The following FMNL2 variants were observed in gnomAD, a reference collection of about 807,000 sequenced individuals.
FMNL2 encodes formin like 2.
In FMNL2, 51 loss-of-function variants were observed where a neutral mutation model predicts 130.2. The observed-to-expected ratio is 0.39, with a 90% CI of 0.31 to 0.49. The LOEUF (loss-of-function observed/expected upper bound fraction) is 0.49. Among genes scored for constraint, FMNL2 ranks in the 20% least tolerant of loss-of-function variants. The pLI is 0.85. For synonymous variants in FMNL2, 465 were observed against 467.1 expected (o/e 1.00, Z 0.06); for missense variants, 977 against 1,316.2 (o/e 0.74, Z 3.99).
chr2:152,515,142 A>G (rs901019990), intron 1 of FMNL2, among the ~76,000 whole-genome samples: 1 of 152,282 alleles, frequency 6.6e-6, no homozygotes, highest in Non-Finnish European at 1.5e-5. Flanking sequence ...GCCATTCTTT[A>G]CCATCCTCCC....
chr2:152,350,699 C>CT (rs1682428585), intron 1 of FMNL2, among the ~76,000 whole-genome samples: 1 of 152,104 alleles, frequency 6.6e-6, no homozygotes, highest in Non-Finnish European at 1.5e-5. Context: ...CCCTCTTTTT[C>CT]TTTTTTATAT....
At chr2:152,611,407 CT>C (rs1254580492) in intron 10 of FMNL2, 87 bp from the exon 11 acceptor site, 1 of 649,736 alleles carries the variant, frequency 1.5e-6, no homozygotes, top group Non-Finnish European at 2.7e-6. Context: ...GTAAGTGAGC[CT>C]TTTTTATGAA....
At chr2:152,335,767 C>T (rs757566318) in intron 1 of FMNL2, 47 bp downstream of exon 1, 3 of 1,392,208 alleles carry the variant, frequency 2.2e-6, no homozygotes, top group East Asian at 5.9e-5. Flanking sequence ...GGCCCCGGGC[C>T]GGGCGGCGCA....
At chr2:152,518,167 C>T (rs1314505881) in intron 1 of FMNL2, among the ~76,000 whole-genome samples, 2 of 152,190 alleles carry the variant, frequency 1.3e-5, no homozygotes, top group South Asian at 2.1e-4. Flanking sequence ...AGTTTAAAGG[C>T]AGTTATTACC....
At chr2:152,399,570 G>A (rs1023547967) in intron 1 of FMNL2, among the ~76,000 whole-genome samples, 4 of 152,190 alleles carry the variant, frequency 2.6e-5, no homozygotes, top group African/African-American at 9.7e-5. Flanking sequence ...TTGATAGGCT[G>A]TTGACCAGTT....
chr2:152,478,774 T>G (rs1191531328), intron 1 of FMNL2, among the ~76,000 whole-genome samples: 1 of 152,098 alleles, frequency 6.6e-6, no homozygotes, highest in Non-Finnish European at 1.5e-5. Flanking sequence ...ATAAATTCAC[T>G]GAAAAAAGTA....
intron 15 of FMNL2, chr2:152,625,124 T>C: frequency 3.8e-6 from 1 of 265,332 alleles, no homozygotes; most frequent in South Asian, 1.2e-4. Context: ...TTTTTATTTG[T>C]CCCAACCATT....
At chr2:152,508,618 T>A (rs575887056) in intron 1 of FMNL2, among the ~76,000 whole-genome samples, 3 of 152,314 alleles carry the variant, frequency 2.0e-5, no homozygotes, top group African/African-American at 7.2e-5. Flanking sequence ...ATGCAAAGAT[T>A]GAATGGTCAA....
At chr2:152,551,516 C>A (rs186884586) in intron 4 of FMNL2, among the ~76,000 whole-genome samples, 1 of 152,322 alleles carries the variant, frequency 6.6e-6, no homozygotes, top group East Asian at 1.9e-4. Context: ...CAGATTGTGA[C>A]CATCTTGCCT....
chr2:152,412,458 A>T (rs1469133255), intron 1 of FMNL2, among the ~76,000 whole-genome samples: 3 of 7,524 alleles, frequency 4.0e-4, no homozygotes, highest in Non-Finnish European at 1.1e-3. Flanking sequence ...ATATATATAT[A>T]TATATATATA....
chr2:152,524,139 A>G (rs904973626), intron 2 of FMNL2, among the ~76,000 whole-genome samples: 2 of 152,238 alleles, frequency 1.3e-5, no homozygotes, highest in African/African-American at 4.8e-5. Flanking sequence ...TTTTAAATGT[A>G]ATAATTCAGT....
intron 1 of FMNL2, among the ~76,000 whole-genome samples, chr2:152,442,952 T>C (rs1188825702): frequency 6.6e-6 from 1 of 152,186 alleles, no homozygotes; most frequent in Non-Finnish European, 1.5e-5. Flanking sequence ...CTGAAGATCA[T>C]ACTCATTTAG....
intron 1 of FMNL2, among the ~76,000 whole-genome samples, chr2:152,514,690 G>A (rs1692664132): frequency 6.6e-6 from 1 of 152,008 alleles, no homozygotes; most frequent in Non-Finnish European, 1.5e-5. Context: ...TGAGAAATTA[G>A]CAATAAGTAA....
chr2:152,340,930 T>A (rs1187663623), intron 1 of FMNL2, among the ~76,000 whole-genome samples: 2 of 152,156 alleles, frequency 1.3e-5, no homozygotes, highest in Non-Finnish European at 2.9e-5. Flanking sequence ...GACCTCGTGA[T>A]CCACCTGCCT....
chr2:152,412,439 GTA>G (rs1686337742), intron 1 of FMNL2, among the ~76,000 whole-genome samples: 1 of 108,106 alleles, frequency 9.3e-6, no homozygotes, highest in Admixed American at 9.9e-5. Context: ...ACTTTCTTCT[GTA>G]TATTTTATAT....
At chr2:152,595,404 T>C (rs1049973220) in intron 9 of FMNL2, among the ~76,000 whole-genome samples, 2 of 152,200 alleles carry the variant, frequency 1.3e-5, no homozygotes, top group African/African-American at 4.8e-5. Context: ...CACTGCAACC[T>C]CCACCTCCCG....
At chr2:152,381,402 GA>G (rs1366074758) in intron 1 of FMNL2, among the ~76,000 whole-genome samples, 2 of 152,188 alleles carry the variant, frequency 1.3e-5, no homozygotes, top group Non-Finnish European at 2.9e-5. Flanking sequence ...TTCCAGAAGG[GA>G]AAGCCAGATC....
At chr2:152,395,260 T>G (rs370120787) in intron 1 of FMNL2, among the ~76,000 whole-genome samples, 25 of 152,180 alleles carry the variant, frequency 1.6e-4, no homozygotes, top group East Asian at 1.3e-3. Flanking sequence ...CTGTGGGACA[T>G]GAGGTGGCAA....
At chr2:152,364,287 T>TG (rs1560300760) in intron 1 of FMNL2, among the ~76,000 whole-genome samples, 17 of 131,998 alleles carry the variant, frequency 1.3e-4, no homozygotes, top group South Asian at 4.9e-4. Flanking sequence ...TTTTTTTTTT[T>TG]TTTTTACCAG....
Sources: gnomAD v4.1 joint callset for allele counts (sites outside exome capture counted in the v4.1 genomes callset) on GRCh38, gnomAD v4.1.1 for gene constraint, MANE v1.5 for transcripts, NCBI Gene and HGNC (gene_info 2026-07-23, HGNC 2026-07-21) for gene names.